The following SLC38A11 variants were observed in gnomAD, a reference collection of about 807,000 sequenced individuals.
The protein encoded by SLC38A11 is putative sodium-coupled neutral amino acid transporter 11.
In SLC38A11, 51 loss-of-function variants were observed where a neutral mutation model predicts 49.4. That is an observed-to-expected ratio of 1.03 (90% CI 0.83 to 1.30). SLC38A11 has a LOEUF of 1.30. Among genes scored for constraint, SLC38A11 ranks in the 50% most tolerant of loss-of-function variants. The pLI is 0.00. For synonymous variants in SLC38A11, 203 were observed against 192.9 expected, an observed-to-expected ratio of 1.05 and a Z score of -0.43; for missense variants, 574 against 556.2, an observed-to-expected ratio of 1.03 and a Z score of -0.32.
At chr2:164,946,744 A>G (rs1165304987) in intron 3 of SLC38A11, among the ~76,000 whole-genome samples, 1 of 152,018 alleles carries the variant, frequency 6.6e-6, no homozygotes, top group East Asian at 1.9e-4. Context: ...ACAATGTGAG[A>G]TACTTGTTCT....
At chr2:164,947,170 C>G (rs549849761) in intron 3 of SLC38A11, among the ~76,000 whole-genome samples, 1 of 127,252 alleles carries the variant, frequency 7.9e-6, no homozygotes, top group East Asian at 2.1e-4. Flanking sequence ...CTTGCTCTGT[C>G]GCCCAGATTG....
intron 11 of SLC38A11, among the ~76,000 whole-genome samples, chr2:164,906,328 C>T (rs560006293): frequency 1.1e-4 from 17 of 152,274 alleles, no homozygotes; most frequent in African/African-American, 3.8e-4. Context: ...TTTTTTATAA[C>T]ATTTCATTTC....
At chr2:164,910,996 T>A (rs947877236) in intron 10 of SLC38A11, among the ~76,000 whole-genome samples, 9 of 151,884 alleles carry the variant, frequency 5.9e-5, no homozygotes, top group Non-Finnish European at 1.2e-4. Flanking sequence ...AATATATTTA[T>A]ATGTAAATAA....
At chr2:164,933,356 C>A (rs1403430609) in intron 7 of SLC38A11, among the ~76,000 whole-genome samples, 1 of 151,764 alleles carries the variant, frequency 6.6e-6, no homozygotes, top group Non-Finnish European at 1.5e-5. Flanking sequence ...AATTTCCTTG[C>A]CACCTCAGTT....
rs1444385999 is a variant in SLC38A11 at position 164,894,951 on chromosome 2, T to A, written c.*3486A>T. Among the ~76,000 whole-genome samples the A allele has an allele frequency of 1.3e-5, 2 of 152,142 alleles. No homozygotes were observed. Among genetic ancestry groups the A allele is most frequent in the Admixed American group, 6.6e-5 (1 of 15,260 alleles). Reference sequence around the variant, plus strand: ...GATGGCTCCATCTGGCACTTTCTTATGTCCAACTTCCAGCCTTTTTCAAAC... The same window carrying A: ...GATGGCTCCATCTGGCACTTTCTTAAGTCCAACTTCCAGCCTTTTTCAAAC... On this transcript the variant is annotated 3_prime_UTR_variant, in exon 12 of 12. Transcript: ENST00000685975.
chr2:164,916,024 C>G, intron 7 of SLC38A11, 51 bp from the exon 8 acceptor site: 1 of 1,248,134 alleles, frequency 8.0e-7, no homozygotes, highest in Non-Finnish European at 1.2e-6. Flanking sequence ...ATACAAGCAT[C>G]AGTATATCAG....
At chr2:164,936,007 C>A (rs1687345762) in intron 7 of SLC38A11, among the ~76,000 whole-genome samples, 1 of 152,202 alleles carries the variant, frequency 6.6e-6, no homozygotes, top group Non-Finnish European at 1.5e-5. Flanking sequence ...GCATCCAGAT[C>A]TCTGACTTCC....
At chr2:164,914,879 A>G (rs7600367) in intron 9 of SLC38A11, among the ~76,000 whole-genome samples, 13,619 of 151,974 alleles carry the variant, frequency 0.09, 712 homozygotes, top group African/African-American at 0.12. Flanking sequence ...ATCATGTGCT[A>G]GGAAGTGACA....
chr2:164,917,354 A>G (rs986804936), intron 7 of SLC38A11, among the ~76,000 whole-genome samples: 2 of 152,150 alleles, frequency 1.3e-5, no homozygotes, highest in Non-Finnish European at 2.9e-5. Context: ...TATGCATTAT[A>G]TCATCCTTTT....
intron 3 of SLC38A11, 58 bp downstream of exon 3, chr2:164,952,649 T>C (rs1688600714): frequency 9.9e-7 from 1 of 1,009,730 alleles, no homozygotes; most frequent in African/African-American, 1.6e-5. Context: ...TGTGTGTGTA[T>C]GTGTGTAGTT....
chr2:164,944,514 A>G (rs2105509085), intron 5 of SLC38A11, 55 bp downstream of exon 5: 2 of 781,972 alleles, frequency 2.6e-6, no homozygotes, highest in East Asian at 6.7e-5. Flanking sequence ...GTTAACTATA[A>G]ATAACTATAT....
intron 5 of SLC38A11, among the ~76,000 whole-genome samples, chr2:164,942,443 A>C (rs1252218879): frequency 1.3e-5 from 2 of 151,402 alleles, no homozygotes; most frequent in African/African-American, 4.8e-5. Context: ...AAAAAAAAAA[A>C]AAAACAAAAA....
chr2:164,948,865 C>T (rs1424124332), intron 3 of SLC38A11, among the ~76,000 whole-genome samples: 22 of 150,756 alleles, frequency 1.5e-4, no homozygotes, highest in Admixed American at 4.0e-4. Context: ...TTTCCATCTG[C>T]TTCCATTTTC....
intron 6 of SLC38A11, 70 bp from the exon 7 acceptor site, chr2:164,937,499 T>G: frequency 9.4e-7 from 1 of 1,062,964 alleles, no homozygotes; most frequent in African/African-American, 1.6e-5. Context: ...GTTAAGTCTT[T>G]CTCATTTTTA....
chr2:164,939,200 G>A (rs1559121825), intron 6 of SLC38A11, among the ~76,000 whole-genome samples: 1 of 151,936 alleles, frequency 6.6e-6, no homozygotes, highest in Non-Finnish European at 1.5e-5. Context: ...AATTTAAAAT[G>A]TGCTGTCTGA....
Position 164,939,560 on chromosome 2 carries a change from A to C in SLC38A11, c.431-4T>G, listed in dbSNP as rs776093431. On this transcript the variant is annotated splice_region_variant and splice_polypyrimidine_tract_variant and intron_variant, in intron 5 of 11. Transcript: ENST00000685975. ...ATAAACACGTTTTCAGGATCAACTA[A>C]AACACAATAAATATTATTAAATGTT... 1.3e-6 allele frequency: 2 copies of C among 1,578,288 alleles called. No individual in the cohort carries two copies. Among genetic ancestry groups the C allele is most frequent in the Non-Finnish European group, 8.7e-7 (1 of 1,150,022 alleles).
At chr2:164,908,495 T>A in intron 11 of SLC38A11, 145 bp downstream of exon 11, 1 of 718,952 alleles carries the variant, frequency 1.4e-6, no homozygotes, top group Non-Finnish European at 2.1e-6. Context: ...GAATCATCAT[T>A]GAAAATATTT....
intron 11 of SLC38A11, among the ~76,000 whole-genome samples, chr2:164,907,270 C>CTTTTTTTTTTTTTTTTTTTTTT (rs60527900): frequency 2.0e-5 from 2 of 97,916 alleles, no homozygotes; most frequent in African/African-American, 3.9e-5. Flanking sequence ...CTTCTTTTCT[C>CTTTTTTTTTTTTTTTTTTTTTT]TTTTTTTTTT....
chr2:164,949,125 G>T (rs1422950905), intron 3 of SLC38A11, among the ~76,000 whole-genome samples: 1 of 150,762 alleles, frequency 6.6e-6, no homozygotes, highest in African/African-American at 2.4e-5. Context: ...ACTGGTGATC[G>T]GTATATATTT....
Sources: gnomAD v4.1 joint callset for allele counts (sites outside exome capture counted in the v4.1 genomes callset) on GRCh38, gnomAD v4.1.1 for gene constraint, MANE v1.5 for transcripts, NCBI Gene and HGNC (gene_info 2026-07-23, HGNC 2026-07-21) for gene names.